Variants in TULP3 observed in about 807,000 individuals in gnomAD.
The protein encoded by TULP3 is TUB like protein 3, also known as tubby-related protein 3.
A neutral mutation model predicts 50.7 loss-of-function variants in TULP3; 38 were observed. The ratio of observed to expected loss-of-function variants is 0.75; its 90% CI spans 0.58 to 0.98. The LOEUF (loss-of-function observed/expected upper bound fraction) is 0.98, where lower values mean the gene tolerates loss of function less well. TULP3 is among the 50% of genes least tolerant of loss of function. The pLI is 0.00. For synonymous variants in TULP3, 183 were observed against 196.6 expected (o/e 0.93, Z 0.58); for missense variants, 550 against 568.0 (o/e 0.97, Z 0.32).
intron 1 of TULP3, among the ~76,000 whole-genome samples, chr12:2,898,284 T>TA (rs1436850253): frequency 2.6e-5 from 4 of 152,074 alleles, no homozygotes; most frequent in Non-Finnish European, 4.4e-5. Flanking sequence ...AATGGGGACT[T>TA]ACAATTAGTT....
rs537555684 is a variant in TULP3, at chr12:2,908,112, A to G, written c.42-1417A>G. Among the ~76,000 whole-genome samples the G allele has an allele frequency of 2.6e-5, 4 of 152,338 alleles. No homozygotes were observed. In the South Asian group the frequency reaches 8.3e-4, roughly 32 times the overall value. On this transcript the variant is annotated intron_variant, in intron 1 of 10. Coordinates refer to ENST00000448120, the MANE Select transcript of TULP3 (RefSeq NM_003324.5). Reference sequence around the variant, plus strand: ...CAAATTGAAGTTGCTATGCATTAGTAAGATGCATAGAACCTTCTAAAATGT... The same window carrying G: ...CAAATTGAAGTTGCTATGCATTAGTGAGATGCATAGAACCTTCTAAAATGT...
At chr12:2,898,248 C>T (rs2098176738) in intron 1 of TULP3, among the ~76,000 whole-genome samples, 1 of 152,212 alleles carries the variant, frequency 6.6e-6, no homozygotes, top group African/African-American at 2.4e-5. Context: ...GGGAACTGTG[C>T]TGTAACCACA....
chr12:2,937,165 A>AC (rs1337333091), intron 8 of TULP3, among the ~76,000 whole-genome samples: 1 of 143,652 alleles, frequency 7.0e-6, no homozygotes, highest in Non-Finnish European at 1.5e-5. Flanking sequence ...GATTCTGTTT[A>AC]CAGCAAAGTA....
At chr12:2,925,585 G>C (rs1190702461) in intron 4 of TULP3, among the ~76,000 whole-genome samples, 1 of 152,178 alleles carries the variant, frequency 6.6e-6, no homozygotes, top group Admixed American at 6.5e-5. Flanking sequence ...TGATTTAATA[G>C]TTGTAATAGT....
chr12:2,932,368 C>T (rs1045786785), intron 6 of TULP3, among the ~76,000 whole-genome samples: 1 of 151,942 alleles, frequency 6.6e-6, no homozygotes, highest in African/African-American at 2.4e-5. Flanking sequence ...CCCTTGAGGA[C>T]ATGAGCTCGA....
intron 3 of TULP3, among the ~76,000 whole-genome samples, chr12:2,921,976 G>A (rs1347532010): frequency 6.6e-6 from 1 of 152,028 alleles, no homozygotes; most frequent in Non-Finnish European, 1.5e-5. Context: ...CCAGCTACTC[G>A]GGGGACTGAA....
chr12:2,892,519 T>C (rs1016963605), intron 1 of TULP3, among the ~76,000 whole-genome samples: 1 of 148,126 alleles, frequency 6.8e-6, no homozygotes, highest in Non-Finnish European at 1.5e-5. Context: ...TTTTCCTTCC[T>C]TTTTTTTTTC....
chr12:2,926,939 A>T (rs377500839), intron 4 of TULP3, among the ~76,000 whole-genome samples: 7 of 152,134 alleles, frequency 4.6e-5, no homozygotes, highest in African/African-American at 1.7e-4. Flanking sequence ...GGTTTTCAGT[A>T]CAGAGTTCTA....
intron 8 of TULP3, among the ~76,000 whole-genome samples, chr12:2,935,031 T>C (rs2098200298): frequency 6.6e-6 from 1 of 152,196 alleles, no homozygotes; most frequent in Non-Finnish European, 1.5e-5. Flanking sequence ...CGGGAAAGGC[T>C]TGAGAACTAT....
intron 6 of TULP3, among the ~76,000 whole-genome samples, chr12:2,931,568 A>G (rs1287386145): frequency 6.6e-6 from 1 of 152,204 alleles, no homozygotes; most frequent in Admixed American, 6.5e-5. Context: ...TCTTTTTATT[A>G]CGGAAGAACA....
intron 4 of TULP3, among the ~76,000 whole-genome samples, chr12:2,926,367 A>C (rs866201838): frequency 1.3e-5 from 2 of 152,126 alleles, no homozygotes; most frequent in Non-Finnish European, 2.9e-5. Context: ...GTGTAGTCCT[A>C]TGTACTCAGG....
At chr12:2,905,980 C>T (rs1172740067) in intron 1 of TULP3, among the ~76,000 whole-genome samples, 1 of 151,122 alleles carries the variant, frequency 6.6e-6, no homozygotes, top group Non-Finnish European at 1.5e-5. Context: ...CAAGATCATG[C>T]CACTGCACTC....
chr12:2,898,079 C>CAAAAAA (rs59718569), intron 1 of TULP3, among the ~76,000 whole-genome samples: 31 of 93,062 alleles, frequency 3.3e-4, no homozygotes, highest in East Asian at 9.7e-4. Flanking sequence ...AACTAGATCT[C>CAAAAAA]AAAAAAAAAA....
Position 2,940,241 on chromosome 12 carries a change from G to A in TULP3, c.*797G>A, listed in dbSNP as rs954751600. ...GACTACGGATCCATTAGTGAGGAGC[G>A]ACACACACACCTGTAGGCATCCTGT... On this transcript the variant is annotated 3_prime_UTR_variant, in exon 11 of 11. Coordinates refer to ENST00000448120, the MANE Select transcript of TULP3 (RefSeq NM_003324.5). 2.9e-6 allele frequency: 4 copies of A among 1,362,708 alleles called. No homozygotes were observed. The highest frequency in any genetic ancestry group is 1.2e-5 in the South Asian group (1 of 81,598). The allele number at this position is 1,362,708 out of a possible 1,614,324, so 84.4% of individuals were successfully genotyped here.
At chr12:2,905,987 A>G (rs930662382) in intron 1 of TULP3, among the ~76,000 whole-genome samples, 17 of 150,120 alleles carry the variant, frequency 1.1e-4, no homozygotes, top group Non-Finnish European at 1.8e-4. Context: ...ATGCCACTGC[A>G]CTCTAGCCCA....
At chr12:2,904,245 T>G (rs905235037) in intron 1 of TULP3, among the ~76,000 whole-genome samples, 3 of 152,232 alleles carry the variant, frequency 2.0e-5, no homozygotes, top group African/African-American at 7.2e-5. Flanking sequence ...AAATAAAGGT[T>G]CACCACATTG....
At chr12:2,914,909 A>G (rs917067677) in intron 2 of TULP3, among the ~76,000 whole-genome samples, 1 of 152,138 alleles carries the variant, frequency 6.6e-6, no homozygotes, top group African/African-American at 2.4e-5. Context: ...CTGGGATTAC[A>G]GGTGTGAGCC....
rs1279127264 is a variant in TULP3, at chr12:2,922,220, A to C, written c.254-42A>C. 12 of 1,600,130 alleles carry C rather than the reference A, an allele frequency of 7.5e-6. No individual in the cohort carries two copies. The East Asian group carries it at 2.7e-4, about 36-fold the overall frequency. On this transcript the variant is annotated intron_variant, in intron 3 of 10. Transcript: ENST00000448120. ...CAAATCTACCCAACTAGTGAATAATACTTTGCTCCTTTTTTAAAATTCATT... is the reference window on the plus strand; with the variant it reads ...CAAATCTACCCAACTAGTGAATAATCCTTTGCTCCTTTTTTAAAATTCATT...
At position 2,906,659 on chromosome 12, in the gene TULP3, T is replaced by G. The variant is rs549805457; in HGVS notation, c.42-2870T>G. On this transcript the variant is annotated intron_variant, in intron 1 of 10. Coordinates refer to ENST00000448120, the MANE Select transcript of TULP3 (RefSeq NM_003324.5). ...TTTTTTAATTAAAAAAAAATGGCTG[T>G]AATCTCAGCACTTTTGGAGGCCGAG... Among the ~76,000 whole-genome samples, 323 of 151,342 alleles carry G rather than the reference T, an allele frequency of 2.1e-3. 2 individuals carry two copies. Among genetic ancestry groups the G allele is most frequent in the African/African-American group, 7.5e-3 (308 of 41,312 alleles).
Sources: gnomAD v4.1 joint callset for allele counts (sites outside exome capture counted in the v4.1 genomes callset) on GRCh38, gnomAD v4.1.1 for gene constraint, MANE v1.5 for transcripts, NCBI Gene and HGNC (gene_info 2026-07-23, HGNC 2026-07-21) for gene names.